Variants in PDE1C observed in about 807,000 individuals in gnomAD.
PDE1C encodes dual specificity calcium/calmodulin-dependent 3',5'-cyclic nucleotide phosphodiesterase 1C.
PDE1C carries 62 observed loss-of-function variants against 93.1 expected under a neutral mutation model. The observed-to-expected ratio is 0.67, with a 90% confidence interval of 0.54 to 0.82. The LOEUF (loss-of-function observed/expected upper bound fraction) is 0.82, where lower values mean the gene tolerates loss of function less well. Ranked by LOEUF, PDE1C falls within the 40% of genes least tolerant of loss-of-function variation. The pLI is 0.00. For synonymous variants in PDE1C, 325 were observed against 310.1 expected (o/e 1.05, Z -0.50); for missense variants, 742 against 884.6 (o/e 0.84, Z 2.04).
intron 3 of PDE1C, among the ~76,000 whole-genome samples, chr7:32,136,497 C>T (rs1306366084): frequency 6.6e-6 from 1 of 151,684 alleles, no homozygotes; most frequent in African/African-American, 2.4e-5. Context: ...CTAAACTAAT[C>T]ATTTATCCAT....
At chr7:31,964,342 C>A (rs188321978) in intron 2 of PDE1C, among the ~76,000 whole-genome samples, 1 of 152,224 alleles carries the variant, frequency 6.6e-6, no homozygotes, top group African/African-American at 2.4e-5. Context: ...CCTATGCCCA[C>A]GGAGCCTCGC....
intron 2 of PDE1C, among the ~76,000 whole-genome samples, chr7:31,930,877 G>C (rs1273305851): frequency 3.0e-5 from 2 of 66,190 alleles, no homozygotes; most frequent in African/African-American, 6.1e-5. Context: ...AAAAAAAAAA[G>C]CTTATCCACC....
chr7:32,186,021 T>G (rs1803825594), intron 2 of PDE1C, among the ~76,000 whole-genome samples: 1 of 152,264 alleles, frequency 6.6e-6, no homozygotes, highest in Admixed American at 6.5e-5. Context: ...GCTTTTAGAT[T>G]TGATATTTTC....
At chr7:31,719,125 T>C in the PDE1C span, among the ~76,000 whole-genome samples, 5 of 152,212 alleles carry the variant, frequency 3.3e-5, no homozygotes, top group Non-Finnish European at 5.9e-5. Context: ...CAATCTTGAT[T>C]GTTGAGATCC....
At chr7:31,687,862 C>A in the PDE1C span, among the ~76,000 whole-genome samples, 3,381 of 152,244 alleles carry the variant, frequency 0.022, 138 homozygotes, top group African/African-American at 0.076. Flanking sequence ...TTATTCCATC[C>A]AGTAAATCAA....
intron 3 of PDE1C, among the ~76,000 whole-genome samples, chr7:32,082,351 G>A (rs201237901): frequency 6.6e-6 from 1 of 151,466 alleles, no homozygotes. Context: ...GGTAAACAAA[G>A]CAGCCGGGAA....
intron 3 of PDE1C, chr7:32,077,948 G>C (rs1283071490): frequency 1.0e-6 from 1 of 985,310 alleles, no homozygotes; most frequent in African/African-American, 1.7e-5. Context: ...CCTCCAGCTA[G>C]TGGCAGGGCA....
At chr7:32,249,565 T>A (rs539367241) in intron 1 of PDE1C, among the ~76,000 whole-genome samples, 1 of 152,288 alleles carries the variant, frequency 6.6e-6, no homozygotes, top group Admixed American at 6.5e-5. Context: ...CCAAAATCTA[T>A]TTCTGAGAGT....
intron 2 of PDE1C, among the ~76,000 whole-genome samples, chr7:31,946,818 G>A (rs940571678): frequency 1.3e-5 from 2 of 152,046 alleles, no homozygotes; most frequent in African/African-American, 2.4e-5. Context: ...CCTGGTGTTG[G>A]GTCCAGCTGC....
chr7:31,651,962 C>CTGA, the PDE1C span: 2 of 1,601,258 alleles, frequency 1.2e-6, no homozygotes, highest in Non-Finnish European at 1.7e-6. Flanking sequence ...CAACTGCAAA[C>CTGA]GTTACGTGAG....
chr7:32,058,157 C>T (rs1794354195), intron 1 of PDE1C, among the ~76,000 whole-genome samples: 1 of 152,132 alleles, frequency 6.6e-6, no homozygotes, highest in Non-Finnish European at 1.5e-5. Flanking sequence ...ATGCAAATTC[C>T]AGTTCTGCCT....
chr7:31,640,903 T>G, the PDE1C span, among the ~76,000 whole-genome samples: 1 of 152,234 alleles, frequency 6.6e-6, no homozygotes, highest in South Asian at 2.1e-4. Flanking sequence ...CCTCTGATTT[T>G]TAGCTTTTAG....
At chr7:31,732,597 A>T in the PDE1C span, among the ~76,000 whole-genome samples, 1 of 147,954 alleles carries the variant, frequency 6.8e-6, no homozygotes, top group South Asian at 2.1e-4. Flanking sequence ...ACATAGGCCA[A>T]TTCCTTTAAA....
chr7:31,896,452 C>A, intron 2 of PDE1C, among the ~76,000 whole-genome samples: 1 of 152,298 alleles, frequency 6.6e-6, no homozygotes, highest in Middle Eastern at 3.4e-3. Flanking sequence ...TTTATTCCCA[C>A]CACTGTTACT....
At chr7:31,978,629 GACC>G (rs1196782676) in intron 2 of PDE1C, among the ~76,000 whole-genome samples, 1 of 152,204 alleles carries the variant, frequency 6.6e-6, no homozygotes, top group Non-Finnish European at 1.5e-5. Flanking sequence ...CTCTTGCCAA[GACC>G]TTCACAGCAA....
chr7:32,097,399 T>C (rs1020034587), intron 3 of PDE1C, among the ~76,000 whole-genome samples: 3 of 152,228 alleles, frequency 2.0e-5, no homozygotes, highest in Non-Finnish European at 4.4e-5. Flanking sequence ...AACAGCAAGT[T>C]GGAATGCCAA....
chr7:31,714,260 C>T, the PDE1C span, among the ~76,000 whole-genome samples: 2 of 152,190 alleles, frequency 1.3e-5, no homozygotes, highest in Admixed American at 6.5e-5. Flanking sequence ...AAAATGCTAC[C>T]AGTCTCTTTG....
the PDE1C span, among the ~76,000 whole-genome samples, chr7:31,689,401 T>C: frequency 1.3e-5 from 2 of 152,162 alleles, no homozygotes; most frequent in Non-Finnish European, 2.9e-5. Flanking sequence ...AGCTGGTGCC[T>C]TAGAAAGTTC....
At chr7:32,332,970 G>C (rs1783543755) in intron 1 of PDE1C, among the ~76,000 whole-genome samples, 1 of 152,134 alleles carries the variant, frequency 6.6e-6, no homozygotes, top group Non-Finnish European at 1.5e-5. Context: ...CCACAGGAGA[G>C]TCCATTTCAT....
Sources: allele counts gnomAD v4.1 joint callset (sites outside exome capture counted in the v4.1 genomes callset), GRCh38; gene constraint gnomAD v4.1.1; transcripts MANE v1.5; gene names NCBI Gene and HGNC (gene_info 2026-07-23, HGNC 2026-07-21).